GRM8: variants seen among roughly 807,000 people sequenced by gnomAD.
GRM8 encodes the protein glutamate metabotropic receptor 8.
A neutral mutation model predicts 87.2 loss-of-function variants in GRM8; 47 were observed. The observed-to-expected ratio is 0.54, with a 90% CI of 0.43 to 0.69. The LOEUF (loss-of-function observed/expected upper bound fraction) is 0.69. Ranked by LOEUF, GRM8 falls within the 30% of genes least tolerant of loss-of-function variation. The pLI is 0.00. For synonymous variants in GRM8, 396 were observed against 404.5 expected, an observed-to-expected ratio of 0.98 and a Z score of 0.25; for missense variants, 1,019 against 1,139.2, an observed-to-expected ratio of 0.89 and a Z score of 1.52.
chr7:126,577,794 G>A (rs146228004), intron 8 of GRM8, among the ~76,000 whole-genome samples: 3 of 151,922 alleles, frequency 2.0e-5, no homozygotes, highest in East Asian at 3.9e-4. Flanking sequence ...TCCGTGGAAG[G>A]CCTCTCAATT....
At chr7:126,487,043 A>G (rs1367158895) in intron 9 of GRM8, among the ~76,000 whole-genome samples, 1 of 152,102 alleles carries the variant, frequency 6.6e-6, no homozygotes, top group Non-Finnish European at 1.5e-5. Flanking sequence ...AGTAATTACC[A>G]TATCAATTTA....
intron 6 of GRM8, among the ~76,000 whole-genome samples, chr7:126,809,370 T>C (rs918314141): frequency 7.9e-5 from 12 of 152,128 alleles, no homozygotes; most frequent in African/African-American, 2.7e-4. Context: ...TTACCTGACA[T>C]TGCATGGGCT....
At chr7:126,644,799 C>G (rs1802860669) in intron 7 of GRM8, among the ~76,000 whole-genome samples, 1 of 152,182 alleles carries the variant, frequency 6.6e-6, no homozygotes, top group African/African-American at 2.4e-5. Flanking sequence ...GAACCACACT[C>G]AGAAAAGGTC....
At chr7:126,830,003 TTTTC>T (rs1795203620) in intron 6 of GRM8, among the ~76,000 whole-genome samples, 1 of 152,222 alleles carries the variant, frequency 6.6e-6, no homozygotes, top group Non-Finnish European at 1.5e-5. Flanking sequence ...TTGAAAATTC[TTTTC>T]TTTAAGAATG....
chr7:126,451,832 T>C (rs1420047020), intron 9 of GRM8, among the ~76,000 whole-genome samples: 1 of 151,762 alleles, frequency 6.6e-6, no homozygotes, highest in African/African-American at 2.4e-5. Context: ...AGTGAGACCT[T>C]TCCTGAACAC....
At chr7:127,242,569 A>AC in intron 2 of GRM8, 126 bp downstream of exon 2, 2 of 812,080 alleles carry the variant, frequency 2.5e-6, no homozygotes, top group Middle Eastern at 5.1e-4. Flanking sequence ...CATTTGAGGA[A>AC]CCTGGTAACA....
intron 3 of GRM8, among the ~76,000 whole-genome samples, chr7:126,913,476 A>C (rs1803530477): frequency 6.6e-6 from 1 of 152,198 alleles, no homozygotes; most frequent in South Asian, 2.1e-4. Context: ...ACATCTTTTG[A>C]TCTAATAAAA....
intron 3 of GRM8, among the ~76,000 whole-genome samples, chr7:127,077,802 T>C (rs1822442612): frequency 6.6e-6 from 1 of 152,238 alleles, no homozygotes; most frequent in Non-Finnish European, 1.5e-5. Flanking sequence ...CCTTTCAAGA[T>C]TGCTTGAGAT....
intron 2 of GRM8, among the ~76,000 whole-genome samples, chr7:127,117,849 AAGTC>A (rs1826793033): frequency 6.6e-6 from 1 of 152,232 alleles, no homozygotes; most frequent in African/African-American, 2.4e-5. Context: ...ATAAAATAAA[AAGTC>A]AGTAATTATA....
intron 3 of GRM8, among the ~76,000 whole-genome samples, chr7:126,936,695 G>A (rs1205582713): frequency 3.9e-5 from 6 of 152,120 alleles, no homozygotes; most frequent in Admixed American, 3.9e-4. Flanking sequence ...CCTTCCTGCA[G>A]ACTGGAATGT....
At chr7:127,129,734 C>T (rs114926557) in intron 2 of GRM8, among the ~76,000 whole-genome samples, 766 of 152,274 alleles carry the variant, frequency 5.0e-3, no homozygotes, top group African/African-American at 0.018. Context: ...GCCAAAGTCA[C>T]AGTAGAGATT....
chr7:126,884,728 G>C (rs1800331445), intron 6 of GRM8, among the ~76,000 whole-genome samples: 1 of 152,094 alleles, frequency 6.6e-6, no homozygotes, highest in African/African-American at 2.4e-5. Flanking sequence ...TATGTGACAG[G>C]CACAGTGGCC....
rs78325945 is a variant in GRM8 at position 126,685,098 on chromosome 7, G to A, written c.1358-75600C>T. ...GCACTGCCCCCACCTTCACGCAGCC[G>A]GGCAGTACCCACTCCAGGCCCCGGC... is the stretch of plus-strand genomic sequence containing the variant. On this transcript the variant is annotated intron_variant, in intron 7 of 10. Transcript: ENST00000339582. The surrounding 1 kb of genome is among the most constrained non-coding windows in gnomAD (Gnocchi z 4.2). Among the ~76,000 whole-genome samples the A allele has an allele frequency of 3.3e-4, 50 of 152,272 alleles. No individual in the cohort carries two copies. In the East Asian group the frequency reaches 6.2e-3, roughly 19 times the overall value.
chr7:127,106,426 C>A, intron 3 of GRM8, 70 bp downstream of exon 3: 1 of 1,187,292 alleles, frequency 8.4e-7, no homozygotes. Flanking sequence ...GATAAGAGAG[C>A]ACTTGGAGAT....
At chr7:126,495,387 T>C (rs964075004) in intron 9 of GRM8, among the ~76,000 whole-genome samples, 9 of 152,056 alleles carry the variant, frequency 5.9e-5, no homozygotes, top group African/African-American at 1.2e-4. Flanking sequence ...CTAAAATCCA[T>C]TAATTGGGGG....
At chr7:126,531,527 C>A (rs926699654) in intron 9 of GRM8, among the ~76,000 whole-genome samples, 3 of 152,226 alleles carry the variant, frequency 2.0e-5, no homozygotes, top group African/African-American at 7.2e-5. Flanking sequence ...CAACACAGGG[C>A]AACCTCCACC....
intron 3 of GRM8, among the ~76,000 whole-genome samples, chr7:126,927,609 T>C (rs1586486499): frequency 6.6e-6 from 1 of 152,076 alleles, no homozygotes; most frequent in Non-Finnish European, 1.5e-5. Context: ...AACAAGCATA[T>C]GAAAAAAAGC....
At chr7:126,740,287 A>T (rs1814792835) in intron 7 of GRM8, among the ~76,000 whole-genome samples, 1 of 152,130 alleles carries the variant, frequency 6.6e-6, no homozygotes, top group Admixed American at 6.6e-5. Context: ...ACTGAACAAT[A>T]TGCCACAAGC....
At chr7:126,637,932 A>G (rs1019313997) in intron 7 of GRM8, among the ~76,000 whole-genome samples, 19 of 152,154 alleles carry the variant, frequency 1.2e-4, no homozygotes. Flanking sequence ...TGTGAAATAA[A>G]TGAAAAATCT....
Sources: allele counts gnomAD v4.1 joint callset (sites outside exome capture counted in the v4.1 genomes callset), GRCh38; gene constraint gnomAD v4.1.1; non-coding constraint Gnocchi (gnomAD v3.1); transcripts MANE v1.5; gene names NCBI Gene and HGNC (gene_info 2026-07-23, HGNC 2026-07-21).